The following NFIC variants were observed in gnomAD, a reference collection of about 807,000 sequenced individuals.
The protein encoded by NFIC is nuclear factor I C, also known as nuclear factor 1 C-type.
NFIC carries 12 observed loss-of-function variants against 54.4 expected under a neutral mutation model. That is an observed-to-expected ratio of 0.22 (90% CI 0.14 to 0.36). The LOEUF is 0.36. Among genes scored for constraint, NFIC ranks in the 10% least tolerant of loss-of-function variants. The pLI, the probability that NFIC is intolerant of heterozygous loss-of-function variation, is 1.00. For missense variants in NFIC, 575 were observed against 718.2 expected (o/e 0.80, Z 2.28); for synonymous variants, 322 against 319.2 (o/e 1.01, Z -0.09).
intron 1 of NFIC, among the ~76,000 whole-genome samples, chr19:3,379,661 T>C (rs940674910): frequency 4.2e-3 from 591 of 141,928 alleles, no homozygotes; most frequent in Non-Finnish European, 7.0e-3. Context: ...TTTCATTTTT[T>C]TTTATTTCTT....
Position 3,382,136 on chromosome 19 carries a change from T to G in NFIC, c.455T>G (p.Val152Gly), listed in dbSNP as rs1469697212. Residue 152 changes from valine (V) to glycine (G), a missense_variant, in exon 2 of 11, where the codon GTC becomes GGC. By Grantham distance (109) the Val-to-Gly change is moderately radical. This residue lies in a region of NFIC where 447 missense variants were observed against 526.9 expected (regional missense o/e 0.85). Transcript: ENST00000443272. ...GAGAGCACCGACGGCGAGCGCCTGG[T>G]CAAGGCTGCGCAGTGCGGTCACCCG... ...PLESTDGERLVKAAQCGHPVL... is the reference protein window; with the variant it reads ...PLESTDGERLGKAAQCGHPVL... 6.2e-7 allele frequency: 1 copy of G among 1,613,236 alleles called. No homozygotes were observed. The highest frequency in any genetic ancestry group is 1.3e-5 in the African/African-American group (1 of 74,942).
intron 2 of NFIC, among the ~76,000 whole-genome samples, chr19:3,400,187 C>T (rs1429144398): frequency 6.6e-6 from 1 of 151,364 alleles, no homozygotes; most frequent in African/African-American, 2.4e-5. Context: ...GATAAAAATT[C>T]GGCCCTGGCC....
At chr19:3,391,626 G>T (rs951714777) in intron 2 of NFIC, among the ~76,000 whole-genome samples, 2 of 151,878 alleles carry the variant, frequency 1.3e-5, no homozygotes, top group South Asian at 4.2e-4. Context: ...GCAAAACCCC[G>T]TCTCTACTAA....
At chr19:3,390,043 C>T (rs2081354338) in intron 2 of NFIC, among the ~76,000 whole-genome samples, 1 of 152,226 alleles carries the variant, frequency 6.6e-6, no homozygotes, top group African/African-American at 2.4e-5. Context: ...CTCTCCCCAA[C>T]CCCAGGAGGG....
intron 2 of NFIC, among the ~76,000 whole-genome samples, chr19:3,405,213 G>A (rs2081628399): frequency 6.6e-6 from 1 of 152,238 alleles, no homozygotes; most frequent in Non-Finnish European, 1.5e-5. Flanking sequence ...GGACGAGGCC[G>A]GGGAGGCCCG....
intron 3 of NFIC, among the ~76,000 whole-genome samples, chr19:3,426,203 G>C (rs560947647): frequency 2.0e-5 from 3 of 151,664 alleles, no homozygotes; most frequent in Non-Finnish European, 4.4e-5. Context: ...GAAGTACTGG[G>C]ATTACAGGCA....
chr19:3,389,384 G>GCTCCT (rs2081345420), intron 2 of NFIC, among the ~76,000 whole-genome samples: 1 of 152,118 alleles, frequency 6.6e-6, no homozygotes, highest in East Asian at 1.9e-4. Flanking sequence ...CGGCCTTGTG[G>GCTCCT]GCCACAGACA....
At position 3,463,491 on chromosome 19, in the gene NFIC, C is replaced by A; in HGVS notation, c.*722C>A. Reference sequence around the variant, plus strand: ...AGGCACCTGCTGCCCCTCGAGGGGGCCCTGCCTGCCGCGGGGCCTCCCCAC... The same window carrying A: ...AGGCACCTGCTGCCCCTCGAGGGGGACCTGCCTGCCGCGGGGCCTCCCCAC... On this transcript the variant is annotated 3_prime_UTR_variant, in exon 11 of 11. Coordinates refer to ENST00000443272, the MANE Select transcript of NFIC (RefSeq NM_001245002.2). The A allele has an allele frequency of 2.0e-6, 2 of 985,280 alleles. No homozygotes were observed. The highest frequency in any genetic ancestry group is 4.7e-5 in the South Asian group (1 of 21,286). 61.0% of individuals were successfully genotyped at this position (985,280 alleles called of 1,614,324 possible).
chr19:3,392,389 A>G (rs568757151), intron 2 of NFIC, among the ~76,000 whole-genome samples: 5 of 152,124 alleles, frequency 3.3e-5, no homozygotes, highest in Non-Finnish European at 7.4e-5. Flanking sequence ...GATAATATCT[A>G]TGAAAAAACT....
At chr19:3,449,202 C>T (rs539560439) in intron 7 of NFIC, 63 bp downstream of exon 7, 91 of 1,559,786 alleles carry the variant, frequency 5.8e-5, no homozygotes, top group Middle Eastern at 1.7e-4. Context: ...CTCTCACAGC[C>T]GGGGAAGTCC....
At chr19:3,362,401 A>T (rs546451167), upstream of NFIC, among the ~76,000 whole-genome samples, 674 of 149,124 alleles carry the variant, frequency 4.5e-3, 3 homozygotes, top group African/African-American at 0.016. Flanking sequence ...TGTGTGTGCC[A>T]TGTGGGTCTG....
At chr19:3,374,833 C>T (rs763316042) in intron 1 of NFIC, among the ~76,000 whole-genome samples, 2 of 152,162 alleles carry the variant, frequency 1.3e-5, no homozygotes, top group Non-Finnish European at 2.9e-5. Context: ...CAACCAGGCC[C>T]TGCCTCTCAC....
Position 3,433,162 on chromosome 19 carries a change from G to A in NFIC, c.635-356G>A, listed in dbSNP as rs111353946. Among the ~76,000 whole-genome samples, 1,059 of 151,730 alleles carry A rather than the reference G, an allele frequency of 7.0e-3. 11 individuals are homozygous for A. Among genetic ancestry groups the A allele is most frequent in the South Asian group, 0.025 (122 of 4,814 alleles). On this transcript the variant is annotated intron_variant, in intron 3 of 10. Coordinates refer to ENST00000443272, the MANE Select transcript of NFIC (RefSeq NM_001245002.2). ...ACACTTTTTGTAGAGATGGGGTCTC[G>A]CTGTGTTCCCCAGGCTGGTCTTGAA...
rs187942530 is a variant in NFIC, at chr19:3,370,723, T to C, written c.30+4057T>C. Reference sequence around the variant, plus strand: ...CTCTTTCTTTCTCCCTCCCTTCCTCTCTCTCTGTTCCTCCTCTTCTTTCTC... The same window carrying C: ...CTCTTTCTTTCTCCCTCCCTTCCTCCCTCTCTGTTCCTCCTCTTCTTTCTC... On this transcript the variant is annotated intron_variant, in intron 1 of 10. Transcript: ENST00000443272. The surrounding 1 kb of genome is among the most constrained non-coding windows in gnomAD (Gnocchi z 5.2). 5.4e-5 allele frequency among the ~76,000 whole-genome samples: 8 copies of C among 149,422 alleles called. No homozygotes were observed. Among genetic ancestry groups the C allele is most frequent in the African/African-American group, 2.0e-4 (8 of 39,848 alleles).
At chr19:3,401,641 G>A (rs983736798) in intron 2 of NFIC, among the ~76,000 whole-genome samples, 1 of 152,182 alleles carries the variant, frequency 6.6e-6, no homozygotes, top group African/African-American at 2.4e-5. Flanking sequence ...CCTGGTGCCC[G>A]GGAGGCCCGT....
rs1228424831 is a variant in NFIC, at chr19:3,393,590, A to G, written c.562+11347A>G. 1.2e-4 allele frequency among the ~76,000 whole-genome samples: 18 copies of G among 151,746 alleles called. No homozygotes were observed. In the South Asian group the frequency reaches 3.2e-3, roughly 27 times the overall value. ...AGCACTTTGGGAGACCGAGGAGGGC[A>G]GATCACTTGAGGTCAGGATTTCAAG... On this transcript the variant is annotated intron_variant, in intron 2 of 10. Transcript: ENST00000443272.
chr19:3,390,567 C>A (rs546583822), intron 2 of NFIC, among the ~76,000 whole-genome samples: 22 of 152,266 alleles, frequency 1.4e-4, no homozygotes, highest in African/African-American at 5.3e-4. Flanking sequence ...CCTCCCCCAT[C>A]AAATGGGGAT....
intron 1 of NFIC, among the ~76,000 whole-genome samples, chr19:3,373,286 A>C (rs1372584422): frequency 6.6e-6 from 1 of 152,154 alleles, no homozygotes; most frequent in Non-Finnish European, 1.5e-5. Context: ...CACAGAGGGA[A>C]GTAGGGGACC....
chr19:3,430,738 C>T (rs1247837818), intron 3 of NFIC, among the ~76,000 whole-genome samples: 1 of 151,828 alleles, frequency 6.6e-6, no homozygotes, highest in Non-Finnish European at 1.5e-5. Context: ...TCGAGACCAG[C>T]CGGACCAAGA....
Sources: allele counts gnomAD v4.1 joint callset (sites outside exome capture counted in the v4.1 genomes callset), GRCh38; gene constraint gnomAD v4.1.1; regional missense constraint gnomAD v4.1.1; non-coding constraint Gnocchi (gnomAD v3.1); transcripts MANE v1.5; gene names NCBI Gene and HGNC (gene_info 2026-07-23, HGNC 2026-07-21).